SALL4: variants seen among roughly 807,000 people sequenced by gnomAD.
SALL4 encodes sal-like protein 4.
A neutral mutation model predicts 60.8 loss-of-function variants in SALL4; 4 were observed. The observed-to-expected ratio is 0.07, with a 90% CI of 0.03 to 0.15. The LOEUF is 0.15. Ranked by LOEUF, SALL4 falls within the 10% of genes least tolerant of loss-of-function variation. The pLI is 1.00. For missense variants in SALL4, 1,178 were observed against 1,394.7 expected (o/e 0.84, Z 2.48); for synonymous variants, 580 against 574.9 (o/e 1.01, Z -0.13).
intron 1 of SALL4, among the ~76,000 whole-genome samples, chr20:51,796,266 A>G (rs576481649): frequency 3.6e-4 from 55 of 151,858 alleles, no homozygotes; most frequent in African/African-American, 1.3e-3. Context: ...AAGCCCATGC[A>G]AAAACATTAA....
intron 1 of SALL4, among the ~76,000 whole-genome samples, chr20:51,794,359 GC>G (rs2078067767): frequency 6.6e-6 from 1 of 152,158 alleles, no homozygotes; most frequent in Admixed American, 6.5e-5. Context: ...TTCGAAACCA[GC>G]CTGACCAATA....
At chr20:51,794,538 C>G (rs549101680) in intron 1 of SALL4, among the ~76,000 whole-genome samples, 18 of 151,450 alleles carry the variant, frequency 1.2e-4, no homozygotes, top group Non-Finnish European at 2.2e-4. Context: ...GCAACAAAAG[C>G]GAAACTCCAT....
intron 2 of SALL4, among the ~76,000 whole-genome samples, chr20:51,789,632 G>T (rs2078019965): frequency 6.6e-6 from 1 of 152,010 alleles, no homozygotes; most frequent in African/African-American, 2.4e-5. Context: ...TATTTCAGTG[G>T]TCAAAAAGCA....
Position 51,802,421 on chromosome 20 carries a change from G to T in SALL4, c.-13C>A, listed in dbSNP as rs763917686. 1.2e-6 allele frequency: 2 copies of T among 1,612,566 alleles called. No homozygotes were observed. Among genetic ancestry groups the T allele is most frequent in the Admixed American group, 3.3e-5 (2 of 60,014 alleles). On this transcript the variant is annotated 5_prime_UTR_variant, in exon 1 of 4. Transcript: ENST00000217086. ...TGCGCCTCGACATGGTGCGAGCATC[G>T]GGGCGCCGGGAGAGCCGCAGTTATT...
rs1313666480 is a variant in SALL4, at chr20:51,801,980, G to A, written c.130+299C>T. ...AATTAAGTGAGGGGCAGAGGACAAG[G>A]AGAAGGGAACCTTTCGGGAGCGAGA... On this transcript the variant is annotated intron_variant, in intron 1 of 3. Coordinates refer to ENST00000217086, the MANE Select transcript of SALL4 (RefSeq NM_020436.5). The surrounding 1 kb of genome is among the most constrained non-coding windows in gnomAD (Gnocchi z 5.2). Among the ~76,000 whole-genome samples, 1 of 151,982 alleles carries A rather than the reference G, an allele frequency of 6.6e-6. No homozygotes were observed. The highest frequency in any genetic ancestry group is 1.5e-5 in the Non-Finnish European group (1 of 67,972).
chr20:51,786,565 G>A (rs958557436), intron 3 of SALL4, among the ~76,000 whole-genome samples: 5 of 152,098 alleles, frequency 3.3e-5, no homozygotes, highest in African/African-American at 1.2e-4. Context: ...ACAAACCTAC[G>A]CAGGTAATAA....
rs770006874 is a variant in SALL4, at chr20:51,790,117, G to A, written c.2366C>T (p.Ser789Phe). Residue 789 changes from serine (S) to phenylalanine (F), a missense_variant, in exon 2 of 4, where the codon TCC (serine) becomes TTC (phenylalanine). Coordinates refer to ENST00000217086, the MANE Select transcript of SALL4 (RefSeq NM_020436.5). This position sits in a 1 kb window ranked among gnomAD's most constrained non-coding sequence, Gnocchi z 5.5. ...ILETTSFQAL[S>F]PANSQAESIK... The stretch of plus-strand genomic sequence containing the variant: ...GCTTTCGGCTTGACTATTGGCCGGG[G>A]AGAGTGCCTGGAAGGATGTGGTTTC... The A allele has an allele frequency of 7.4e-6, 12 of 1,614,066 alleles. No individual in the cohort carries two copies. Among genetic ancestry groups the A allele is most frequent in the Admixed American group, 6.7e-5 (4 of 60,010 alleles).
At chr20:51,792,398 T>C in intron 1 of SALL4, 46 bp from the exon 2 acceptor site, 1 of 1,596,928 alleles carries the variant, frequency 6.3e-7, no homozygotes, top group Non-Finnish European at 8.5e-7. Context: ...AAGTAAAAGA[T>C]GTGGGGGGAG....
In SALL4 at chr20:51,784,034, T is replaced by C; in HGVS notation, c.*231A>G. 1.8e-6 allele frequency: 1 copy of C among 565,526 alleles called. No homozygotes were observed. Among genetic ancestry groups the C allele is most frequent in the Non-Finnish European group, 3.1e-6 (1 of 319,350 alleles). The allele number at this position is 565,526 out of a possible 1,614,324, so 35.0% of individuals were successfully genotyped here. A position where few individuals can be genotyped will look rare whatever the true frequency, so the allele number is the denominator to read the frequency against. ...GACTCCATCTCAAAAAAAAAGAGTC[T>C]GTATTTGTTTTGGTATGCATTTTTT... is the stretch of plus-strand genomic sequence containing the variant. On this transcript the variant is annotated 3_prime_UTR_variant, in exon 4 of 4. Transcript: ENST00000217086.
chr20:51,784,658 G>A lies in SALL4; in HGVS notation c.2769C>T (p.Asn923=), dbSNP rs1001422484. 1.2e-6 allele frequency: 2 copies of A among 1,614,136 alleles called. No individual in the cohort carries two copies. The highest frequency in any genetic ancestry group is 1.7e-6 in the Non-Finnish European group (2 of 1,180,042). The change falls in exon 4 of 4, where the codon AAC becomes AAT. Residue 923 remains asparagine, a synonymous_variant. Transcript: ENST00000217086. ...LKVHYMTHGA[N]NNSARRGRKL... ...TCCTTCCACGGCGGGCTGAGTTATTGTTCGCCCCGTGTGTCATGTAGTGAA... is the reference window on the plus strand; with the variant it reads ...TCCTTCCACGGCGGGCTGAGTTATTATTCGCCCCGTGTGTCATGTAGTGAA...
rs1362301115 is a variant in SALL4 at position 51,782,345 on chromosome 20, A to G, written c.*1920T>C. The G allele has an allele frequency of 1.3e-5, 2 of 151,564 alleles. No individual in the cohort carries two copies. The highest frequency in any genetic ancestry group is 2.1e-4 in the South Asian group (1 of 4,816). The allele number at this position is 151,564 out of a possible 1,614,324, so 9.4% of individuals were successfully genotyped here. ...ATACACCTGGGTGAGAAAAAAAAACATTCAAATTTTATTTTCCAACAGACA... is the reference window on the plus strand; with the variant it reads ...ATACACCTGGGTGAGAAAAAAAAACGTTCAAATTTTATTTTCCAACAGACA... On this transcript the variant is annotated 3_prime_UTR_variant, in exon 4 of 4. Coordinates refer to ENST00000217086, the MANE Select transcript of SALL4 (RefSeq NM_020436.5).
At chr20:51,798,493 C>T (rs949073545) in intron 1 of SALL4, among the ~76,000 whole-genome samples, 10 of 152,094 alleles carry the variant, frequency 6.6e-5, no homozygotes, top group Non-Finnish European at 1.0e-4. Context: ...ACTGGCGATG[C>T]AGTTCTTATC....
At chr20:51,793,085 AC>A in intron 1 of SALL4, 1 of 556,558 alleles carries the variant, frequency 1.8e-6, no homozygotes, top group Non-Finnish European at 2.3e-6. Flanking sequence ...TGGCCCACCC[AC>A]CCATAGTGTG....
chr20:51,792,491 C>T (rs1441772299), intron 1 of SALL4, 139 bp from the exon 2 acceptor site: 7 of 1,067,302 alleles, frequency 6.6e-6, no homozygotes, highest in East Asian at 5.0e-5. Context: ...GAATTCAAGA[C>T]CAGTCTGGCC....
intron 1 of SALL4, among the ~76,000 whole-genome samples, chr20:51,799,627 G>A (rs544498651): frequency 6.6e-6 from 1 of 152,308 alleles, no homozygotes; most frequent in Admixed American, 6.5e-5. Context: ...GACCTGAAAC[G>A]TTAACTAACG....
rs2078107628 is a variant in SALL4 at position 51,801,210 on chromosome 20, T to A, written c.130+1069A>T. On this transcript the variant is annotated intron_variant, in intron 1 of 3. Transcript: ENST00000217086. The surrounding 1 kb of genome is among the most constrained non-coding windows in gnomAD (Gnocchi z 5.2). ...AGATAGTGGAAAACCGCCTCGCTCC[T>A]AAAACCTCCGCGGTGAAGTGATGAA... Among the ~76,000 whole-genome samples, 1 of 152,102 alleles carries A rather than the reference T, an allele frequency of 6.6e-6. No homozygotes were observed. The highest frequency in any genetic ancestry group is 1.5e-5 in the Non-Finnish European group (1 of 68,012).
At position 51,784,015 on chromosome 20, in the gene SALL4, A is replaced by G. The variant is rs2077971695; in HGVS notation, c.*250T>C. On this transcript the variant is annotated 3_prime_UTR_variant, in exon 4 of 4. Coordinates refer to ENST00000217086, the MANE Select transcript of SALL4 (RefSeq NM_020436.5). The stretch of plus-strand genomic sequence containing the variant: ...AGCCTGGGTGATAGAGCGAGACTCC[A>G]TCTCAAAAAAAAAGAGTCTGTATTT... 2.0e-6 allele frequency: 1 copy of G among 490,098 alleles called. No homozygotes were observed. The highest frequency in any genetic ancestry group is 2.0e-5 in the African/African-American group (1 of 51,186). The allele number at this position is 490,098 out of a possible 1,614,324, so 30.4% of individuals were successfully genotyped here.
rs905027815 is a variant in SALL4 at position 51,801,201 on chromosome 20, C to A, written c.130+1078G>T. Among the ~76,000 whole-genome samples the A allele has an allele frequency of 2.0e-5, 3 of 152,152 alleles. No individual in the cohort carries two copies. The highest frequency in any genetic ancestry group is 7.2e-5 in the African/African-American group (3 of 41,442). On this transcript the variant is annotated intron_variant, in intron 1 of 3. Coordinates refer to ENST00000217086, the MANE Select transcript of SALL4 (RefSeq NM_020436.5). This position sits in a 1 kb window ranked among gnomAD's most constrained non-coding sequence, Gnocchi z 5.2. ...ATGGAGACGAGATAGTGGAAAACCG[C>A]CTCGCTCCTAAAACCTCCGCGGTGA... is the stretch of plus-strand genomic sequence containing the variant.
At position 51,784,596 on chromosome 20, in the gene SALL4, G is replaced by A. The variant is rs1425403096; in HGVS notation, c.2831C>T (p.Thr944Met). 5 of 1,614,018 alleles carry A rather than the reference G, an allele frequency of 3.1e-6. No individual in the cohort carries two copies. Among genetic ancestry groups the A allele is most frequent in the African/African-American group, 1.3e-5 (1 of 74,920 alleles). Residue 944 changes from threonine (T) to methionine (M), a missense_variant, in exon 4 of 4, where the codon ACG (threonine) becomes ATG (methionine). Around this residue, in one of 5 missense-constraint regions of SALL4, gnomAD observed 174 missense variants for 169.6 expected, o/e 1.03. Transcript: ENST00000217086. ...AIENTMALLG[T>M]DGKRVSEIFP... Reference sequence around the variant, plus strand: ...GATTTCTGAGACTCTTTTTCCGTCCGTACCTAACAGAGCCATGGTGTTCTC... The same window carrying A: ...GATTTCTGAGACTCTTTTTCCGTCCATACCTAACAGAGCCATGGTGTTCTC...
Sources: gnomAD v4.1 joint callset for allele counts (sites outside exome capture counted in the v4.1 genomes callset) on GRCh38, gnomAD v4.1.1 for gene constraint, gnomAD v4.1.1 regional missense constraint, Gnocchi (gnomAD v3.1) non-coding constraint, MANE v1.5 for transcripts, NCBI Gene and HGNC (gene_info 2026-07-23, HGNC 2026-07-21) for gene names.